The following GRM1 variants were observed in gnomAD, a reference collection of about 807,000 sequenced individuals.
GRM1 encodes glutamate metabotropic receptor 1, also known as metabotropic glutamate receptor 1.
GRM1 carries 33 observed loss-of-function variants against 90.9 expected under a neutral mutation model. The observed-to-expected ratio is 0.36, with a 90% CI of 0.28 to 0.49. The LOEUF is 0.49. Among genes scored for constraint, GRM1 ranks in the 20% least tolerant of loss-of-function variants. The pLI, the probability that GRM1 is intolerant of heterozygous loss-of-function variation, is 0.99. For missense variants in GRM1, 1,190 were observed against 1,534.3 expected (o/e 0.78, Z 3.75); for synonymous variants, 700 against 613.2 (o/e 1.14, Z -2.09).
At chr6:146,143,316 T>C (rs1454276511) in intron 1 of GRM1, among the ~76,000 whole-genome samples, 1 of 152,156 alleles carries the variant, frequency 6.6e-6, no homozygotes, top group Non-Finnish European at 1.5e-5. Context: ...AAAAGATATA[T>C]AAAATGTGGG....
chr6:146,202,519 T>C (rs1044952823), intron 2 of GRM1, among the ~76,000 whole-genome samples: 1 of 152,218 alleles, frequency 6.6e-6, no homozygotes, highest in South Asian at 2.1e-4. Context: ...TTGAATTAAA[T>C]ATCATTTACA....
intron 2 of GRM1, among the ~76,000 whole-genome samples, chr6:146,287,849 T>A (rs913889911): frequency 1.3e-5 from 2 of 152,216 alleles, no homozygotes; most frequent in Non-Finnish European, 1.5e-5. Flanking sequence ...TGCCTTCTAA[T>A]GTTCTCAAAA....
chr6:146,296,226 T>C (rs545205407), intron 2 of GRM1, among the ~76,000 whole-genome samples: 33 of 152,322 alleles, frequency 2.2e-4, no homozygotes, highest in African/African-American at 7.9e-4. Context: ...TTCCTCTAGA[T>C]ATATACCCAG....
intron 2 of GRM1, among the ~76,000 whole-genome samples, chr6:146,249,584 C>G (rs569245056): frequency 6.6e-6 from 1 of 152,156 alleles, no homozygotes; most frequent in Non-Finnish European, 1.5e-5. Context: ...TATGGAAATA[C>G]CTGGATGCCC....
chr6:146,041,853 G>A (rs181596673), intron 1 of GRM1, among the ~76,000 whole-genome samples: 5 of 152,022 alleles, frequency 3.3e-5, no homozygotes, highest in Admixed American at 6.6e-5. Flanking sequence ...ACCCATAGAC[G>A]GAGTAGCTTA....
intron 2 of GRM1, chr6:146,159,889 C>A (rs979701961): frequency 5.9e-5 from 15 of 253,814 alleles, no homozygotes; most frequent in Non-Finnish European, 1.1e-4. Flanking sequence ...GCATTCTAGT[C>A]TTGGTGACAG....
intron 2 of GRM1, 32 bp downstream of exon 2, chr6:146,159,629 TCTCTCTCTCTCTCACACACACACATG>T: frequency 6.6e-7 from 1 of 1,516,408 alleles, no homozygotes; most frequent in Non-Finnish European, 9.0e-7. Flanking sequence ...TCTCTCTCTC[TCTCTCTCTCTCTCACACACACACATG>T]CACACACACA....
At chr6:146,429,853 G>A (rs960521081) in intron 7 of GRM1, among the ~76,000 whole-genome samples, 1 of 152,106 alleles carries the variant, frequency 6.6e-6, no homozygotes, top group Non-Finnish European at 1.5e-5. Flanking sequence ...TTTCTTACGC[G>A]AAGGTCTTGC....
intron 1 of GRM1, among the ~76,000 whole-genome samples, chr6:146,071,240 G>A (rs183847249): frequency 5.1e-4 from 77 of 152,206 alleles, no homozygotes; most frequent in African/African-American, 1.7e-3. Context: ...CTTTCTGTTA[G>A]GCAGCTTCCG....
At chr6:146,111,907 T>G (rs1452032266) in intron 1 of GRM1, among the ~76,000 whole-genome samples, 1 of 152,230 alleles carries the variant, frequency 6.6e-6, no homozygotes, top group East Asian at 1.9e-4. Flanking sequence ...ATTTTTATTC[T>G]GCTTTCATAT....
intron 2 of GRM1, among the ~76,000 whole-genome samples, chr6:146,164,809 C>G (rs1344905445): frequency 6.6e-6 from 1 of 152,080 alleles, no homozygotes; most frequent in Non-Finnish European, 1.5e-5. Flanking sequence ...GTTTCCTCAT[C>G]TTGGAAAGCC....
In GRM1 at chr6:146,384,529, A is replaced by G. The variant is rs192061643; in HGVS notation, c.1603-2361A>G. On this transcript the variant is annotated intron_variant, in intron 5 of 7. Coordinates refer to ENST00000282753, the MANE Select transcript of GRM1 (RefSeq NM_001278064.2). The stretch of plus-strand genomic sequence containing the variant: ...AAGTTGCTTAACTGCATGCTCAAAC[A>G]AAGTCCAACACTCATTTTAAAAAGG... Among the ~76,000 whole-genome samples the G allele has an allele frequency of 1.9e-4, 29 of 152,244 alleles. No individual in the cohort carries two copies. The East Asian group carries it at 5.6e-3, about 29-fold the overall frequency.
chr6:146,354,466 C>G (rs1052910147), intron 4 of GRM1, among the ~76,000 whole-genome samples: 7 of 145,048 alleles, frequency 4.8e-5, no homozygotes, highest in Non-Finnish European at 1.1e-4. Context: ...CTCCTCTTCT[C>G]TCTCTACAAG....
chr6:146,355,101 A>C lies in GRM1; in HGVS notation c.1434-2425A>C, dbSNP rs1785538243. On this transcript the variant is annotated intron_variant, in intron 4 of 7. Transcript: ENST00000282753. ...ACATTCTAGAGCCAGCATTGCAGCA[A>C]AGCCTTCTTTGTATGTGAGAAGCTG... 2.0e-5 allele frequency among the ~76,000 whole-genome samples: 3 copies of C among 152,238 alleles called. No individual in the cohort carries two copies. The South Asian group carries it at 6.2e-4, about 32-fold the overall frequency.
chr6:146,068,538 A>G (rs370259392), intron 1 of GRM1, among the ~76,000 whole-genome samples: 1 of 152,228 alleles, frequency 6.6e-6, no homozygotes, highest in East Asian at 1.9e-4. Context: ...GAGAGAGAAG[A>G]CCAAGGAATG....
intron 3 of GRM1, among the ~76,000 whole-genome samples, chr6:146,310,968 A>C (rs1189550351): frequency 1.3e-5 from 2 of 152,214 alleles, no homozygotes; most frequent in Admixed American, 6.5e-5. Flanking sequence ...ATGGTTTGTT[A>C]TGCGGCTTTT....
intron 2 of GRM1, among the ~76,000 whole-genome samples, chr6:146,215,511 C>A (rs1439359883): frequency 3.3e-5 from 5 of 152,088 alleles, no homozygotes; most frequent in Admixed American, 6.5e-5. Flanking sequence ...GAATAACGTT[C>A]TAGAGACATC....
In GRM1 at chr6:146,434,394, G is replaced by A. The variant is rs1248543062; in HGVS notation, c.3183G>A (p.Gly1061=). 1.9e-6 allele frequency: 3 copies of A among 1,613,254 alleles called. No individual in the cohort carries two copies. Among genetic ancestry groups the A allele is most frequent in the Non-Finnish European group, 2.5e-6 (3 of 1,179,720 alleles). The part of the protein sequence containing the change: ...VLAGPGGPGN[G]LRSLYPPPPP... ...CAGGCCCCGGTGGTCCCGGGAACGG[G>A]CTGCGGTCCCTGTACCCGCCCCCGC... The change falls in exon 8 of 8, where the codon GGG becomes GGA. Residue 1061 remains glycine, a synonymous_variant. Transcript: ENST00000282753.
At chr6:146,343,577 C>A (rs372278710) in intron 3 of GRM1, among the ~76,000 whole-genome samples, 3 of 151,882 alleles carry the variant, frequency 2.0e-5, no homozygotes, top group African/African-American at 7.3e-5. Flanking sequence ...TTTTCTGTCT[C>A]TGATGGTTGG....
Sources: allele counts gnomAD v4.1 joint callset (sites outside exome capture counted in the v4.1 genomes callset), GRCh38; gene constraint gnomAD v4.1.1; transcripts MANE v1.5; gene names NCBI Gene and HGNC (gene_info 2026-07-23, HGNC 2026-07-21).